Variants in POLR1E observed in about 807,000 individuals in gnomAD.
POLR1E encodes the protein DNA-directed RNA polymerase I subunit RPA49.
Under a neutral mutation model 50.9 loss-of-function variants are expected in POLR1E, and 37 were observed. The ratio of observed to expected loss-of-function variants is 0.73; its 90% CI spans 0.56 to 0.96. POLR1E has a LOEUF of 0.96. Among genes scored for constraint, POLR1E ranks in the 40% least tolerant of loss-of-function variants. The probability of loss-of-function intolerance (pLI) is 0.00; values close to 1 mark genes in which losing one functional copy is unlikely to be tolerated. For missense variants in POLR1E, 426 were observed against 518.1 expected (o/e 0.82, Z 1.73); for synonymous variants, 166 against 191.6 (o/e 0.87, Z 1.10).
Position 37,501,752 on chromosome 9 carries a change from T to G in POLR1E, c.1008T>G (p.Ile336Met). 1 of 1,613,818 alleles carries G rather than the reference T, an allele frequency of 6.2e-7. No homozygotes were observed. The highest frequency in any genetic ancestry group is 8.5e-7 in the Non-Finnish European group (1 of 1,179,930). Residue 336 changes from isoleucine to methionine, a missense_variant, in exon 11 of 12, where the codon ATT becomes ATG. Physicochemically the swap from Ile to Met is conservative, Grantham distance 10. Coordinates refer to ENST00000377798, the MANE Select transcript of POLR1E (RefSeq NM_022490.4). Reference sequence around the variant, plus strand: ...TTTCGGATTCTATGAAGGCGAAGATTACTGCATATGTGATCATACTTGCCT... The same window carrying G: ...TTTCGGATTCTATGAAGGCGAAGATGACTGCATATGTGATCATACTTGCCT... ...NLISDSMKAK[I>M]TAYVIILALH...
chr9:37,503,465 C>A lies in POLR1E; in HGVS notation c.*263C>A. On this transcript the variant is annotated 3_prime_UTR_variant, in exon 12 of 12. Coordinates refer to ENST00000377798, the MANE Select transcript of POLR1E (RefSeq NM_022490.4). ...TGGTGGTGTGCGCCTGTAATCCCAG[C>A]TACTCGGGAGGCTGAGGCAGGACGA... 3.5e-6 allele frequency: 1 copy of A among 285,564 alleles called. No homozygotes were observed. The highest frequency in any genetic ancestry group is 6.4e-6 in the Non-Finnish European group (1 of 155,040). The allele number at this position is 285,564 out of a possible 1,614,324, so 17.7% of individuals were successfully genotyped here. A position where few individuals can be genotyped will look rare whatever the true frequency, so the allele number is the denominator to read the frequency against.
chr9:37,489,489 A>C (rs1820642275), intron 4 of POLR1E, 89 bp downstream of exon 4: 3 of 832,900 alleles, frequency 3.6e-6, no homozygotes, highest in Non-Finnish European at 5.6e-6. Flanking sequence ...TATAAAACAC[A>C]TTTTATAGTT....
rs1389348210 is a variant in POLR1E at position 37,493,517 on chromosome 9, T to A, written c.403-42T>A. On this transcript the variant is annotated intron_variant, in intron 5 of 11. Transcript: ENST00000377798. ...TGACACAGCTAGGAGGGGCAGCACC[T>A]ACCTGTCCTGTCCCCAGTAACCAGG... 6 of 1,505,084 alleles carry A rather than the reference T, an allele frequency of 4.0e-6. No homozygotes were observed. In the East Asian group the frequency reaches 1.4e-4, roughly 35 times the overall value. The allele number at this position is 1,505,084 out of a possible 1,614,324, so 93.2% of individuals were successfully genotyped here. A position where few individuals can be genotyped will look rare whatever the true frequency, so the allele number is the denominator to read the frequency against.
rs568865667 is a variant in POLR1E, at chr9:37,496,314, C to T, written c.752+328C>T. 6.0e-4 allele frequency among the ~76,000 whole-genome samples: 92 copies of T among 152,236 alleles called. 1 individual carries two copies. The highest frequency in any genetic ancestry group is 1.8e-4 in the Non-Finnish European group (12 of 68,020). Reference sequence around the variant, plus strand: ...TCACTGGCAGGGCCCAAATGCTGGCCTGGGAATGGGTGCTGGCCAAAGTGA... The same window carrying T: ...TCACTGGCAGGGCCCAAATGCTGGCTTGGGAATGGGTGCTGGCCAAAGTGA... On this transcript the variant is annotated intron_variant, in intron 8 of 11. Transcript: ENST00000377798.
At chr9:37,493,507 G>A in intron 5 of POLR1E, 52 bp from the exon 6 acceptor site, 1 of 1,433,640 alleles carries the variant, frequency 7.0e-7, no homozygotes, top group Non-Finnish European at 9.4e-7. Context: ...CAGCTAGGAG[G>A]GGCAGCACCT....
Position 37,493,666 on chromosome 9 carries a change from A to C in POLR1E, c.510A>C (p.Lys170Asn), listed in dbSNP as rs767107302. 1 of 1,600,418 alleles carries C rather than the reference A, an allele frequency of 6.2e-7. No homozygotes were observed. Among genetic ancestry groups the C allele is most frequent in the Admixed American group, 1.7e-5 (1 of 58,868 alleles). The change falls in exon 6 of 12, where the codon AAA becomes AAC. Residue 170 changes from lysine (K) to asparagine (N), a missense_variant. By Grantham distance (94) the Lys-to-Asn change is moderately conservative (BLOSUM62 0). Coordinates refer to ENST00000377798, the MANE Select transcript of POLR1E (RefSeq NM_022490.4). ...AATCTTTGAATCGTGCAGTGGCTAA[A>C]GCTGCAGAGACTATCATTGATACGA... The part of the protein sequence containing the change: ...GNESLNRAVA[K>N]AAETIIDTKG...
chr9:37,487,811 T>G, intron 2 of POLR1E, 52 bp from the exon 3 acceptor site: 1 of 1,533,826 alleles, frequency 6.5e-7, no homozygotes, highest in Admixed American at 1.7e-5. Flanking sequence ...AAATGATGCT[T>G]AATACCTTTC....
Position 37,503,055 on chromosome 9 carries a change from A to T in POLR1E, c.1113A>T (p.Ile371=), listed in dbSNP as rs1184576990. 1.1e-5 allele frequency: 18 copies of T among 1,612,560 alleles called. No homozygotes were observed. The highest frequency in any genetic ancestry group is 1.5e-5 in the Non-Finnish European group (18 of 1,179,366). ...ATGTCTTCCTTAGGATGATGGAGAT[A>T]GCCAAAGCCATGAGGCTGAAGATCT... is the stretch of plus-strand genomic sequence containing the variant. ...LKLSEKRMME[I]AKAMRLKISK... The change falls in exon 12 of 12, where the codon ATA becomes ATT. Residue 371 remains isoleucine, a synonymous_variant. Coordinates refer to ENST00000377798, the MANE Select transcript of POLR1E (RefSeq NM_022490.4).
Position 37,486,819 on chromosome 9 carries a change from G to A in POLR1E, c.180+13G>A. The A allele has an allele frequency of 1.3e-6, 2 of 1,598,648 alleles. No individual in the cohort carries two copies. Among genetic ancestry groups the A allele is most frequent in the Non-Finnish European group, 1.7e-6 (2 of 1,174,398 alleles). ...TCAACGGATCCTGGTAAGTGAAGCA[G>A]TTGCCAGCTGTCTCCACTCTGCAGG... On this transcript the variant is annotated intron_variant, in intron 2 of 11. Coordinates refer to ENST00000377798, the MANE Select transcript of POLR1E (RefSeq NM_022490.4).
chr9:37,488,393 G>A (rs1820616446), intron 3 of POLR1E, among the ~76,000 whole-genome samples: 1 of 151,920 alleles, frequency 6.6e-6, no homozygotes, highest in Non-Finnish European at 1.5e-5. Flanking sequence ...CTGACCCCCA[G>A]CCTCCCCCTC....
In POLR1E at chr9:37,503,420, A is replaced by G. The variant is rs747396032; in HGVS notation, c.*218A>G. On this transcript the variant is annotated 3_prime_UTR_variant, in exon 12 of 12. Coordinates refer to ENST00000377798, the MANE Select transcript of POLR1E (RefSeq NM_022490.4). ...AGGGAGACCCCATCTCTACCGGAGG[A>G]AAAAAAAAAGAGTCAGGCCTGGTGG... 23 of 207,642 alleles carry G rather than the reference A, an allele frequency of 1.1e-4. No homozygotes were observed. Among genetic ancestry groups the G allele is most frequent in the African/African-American group, 5.2e-4 (16 of 30,802 alleles). 12.9% of individuals were successfully genotyped at this position (207,642 alleles called of 1,614,324 possible).
chr9:37,495,147 G>A (rs57087842), intron 6 of POLR1E, 22 bp from the exon 7 acceptor site: 27,270 of 1,578,446 alleles, frequency 0.017, 434 homozygotes, highest in African/African-American at 0.083. Flanking sequence ...GGTGATACAT[G>A]GATTGTTTCT....
At chr9:37,496,064 C>T in intron 8 of POLR1E, 78 bp downstream of exon 8, 1 of 1,037,432 alleles carries the variant, frequency 9.6e-7, no homozygotes, top group Non-Finnish European at 1.5e-6. Flanking sequence ...TGCAGGTCCT[C>T]TGGGCGTCAG....
chr9:37,492,368 G>A (rs1479907327), intron 4 of POLR1E: 6 of 1,241,254 alleles, frequency 4.8e-6, no homozygotes, highest in Non-Finnish European at 6.4e-6. Context: ...CTGGTGAACT[G>A]ACCTGGGGCA....
At chr9:37,490,355 C>T (rs761981608) in intron 4 of POLR1E, 110 of 565,906 alleles carry the variant, frequency 1.9e-4, no homozygotes, top group Non-Finnish European at 3.0e-4. Context: ...GAGAGAACAC[C>T]ACACTTCTAC....
chr9:37,503,112 TGAA>T lies in POLR1E; in HGVS notation c.1176_1178del (p.Glu392del), dbSNP rs1820919355. 1.2e-6 allele frequency: 2 copies of T among 1,614,038 alleles called. No individual in the cohort carries two copies. The highest frequency in any genetic ancestry group is 1.3e-5 in the African/African-American group (1 of 75,020). On this transcript the variant is annotated inframe_deletion, in exon 12 of 12. Coordinates refer to ENST00000377798, the MANE Select transcript of POLR1E (RefSeq NM_022490.4). ...GAAGGGTGTCTGTGGCCGCCGGCAGTGAAGAAGATCACAAGCTGGGCACCCTGT... is the reference window on the plus strand; with the variant it reads ...GAAGGGTGTCTGTGGCCGCCGGCAGTGAAGATCACAAGCTGGGCACCCTGT...
rs3758223 is a variant in POLR1E, at chr9:37,489,301, T to C, written c.258-14T>C. 341,789 of 1,554,462 alleles carry C rather than the reference T, an allele frequency of 0.22. 39,114 individuals carry two copies. Among genetic ancestry groups the C allele is most frequent in the Admixed American group, 0.32 (16,773 of 52,142 alleles). The stretch of plus-strand genomic sequence containing the variant: ...ATAATCCATTGTTATTTGTATTATT[T>C]CTTCTTTATTCAGGCACTTTGTGGG... On this transcript the variant is annotated splice_polypyrimidine_tract_variant and intron_variant, in intron 3 of 11. Transcript: ENST00000377798.
chr9:37,486,664 CT>C, intron 1 of POLR1E, 38 bp from the exon 2 acceptor site: 1 of 1,614,242 alleles, frequency 6.2e-7, no homozygotes, highest in Non-Finnish European at 8.5e-7. Context: ...ATTGTGTGGC[CT>C]TCTGCTCTCA....
At chr9:37,487,243 T>C (rs1820593200) in intron 2 of POLR1E, among the ~76,000 whole-genome samples, 1 of 152,166 alleles carries the variant, frequency 6.6e-6, no homozygotes. Context: ...AGATGAGAAC[T>C]GGCTGTGAGG....
Sources: allele counts gnomAD v4.1 joint callset (sites outside exome capture counted in the v4.1 genomes callset), GRCh38; gene constraint gnomAD v4.1.1; transcripts MANE v1.5; gene names NCBI Gene and HGNC (gene_info 2026-07-23, HGNC 2026-07-21).